Variants in IGSF10 observed in about 807,000 individuals in gnomAD.
IGSF10 encodes immunoglobulin superfamily member 10.
In IGSF10, 126 loss-of-function variants were observed where a neutral mutation model predicts 128.2. The ratio of observed to expected loss-of-function variants is 0.98; its 90% CI spans 0.85 to 1.14. The LOEUF is 1.14. Ranked by LOEUF, IGSF10 falls within the 50% of genes most tolerant of loss-of-function variation. The probability of loss-of-function intolerance (pLI) is 0.00; values close to 1 mark genes in which losing one functional copy is unlikely to be tolerated. For synonymous variants in IGSF10, 1,185 were observed against 1,146.2 expected, an observed-to-expected ratio of 1.03 and a Z score of -0.68; for missense variants, 3,295 against 3,149.8, an observed-to-expected ratio of 1.05 and a Z score of -1.10.
chr3:151,564,720 GA>G, the IGSF10 span, among the ~76,000 whole-genome samples: 2 of 152,096 alleles, frequency 1.3e-5, no homozygotes, highest in Admixed American at 6.6e-5. Context: ...TAGAGGCCAA[GA>G]AACAATTTAC....
the IGSF10 span, among the ~76,000 whole-genome samples, chr3:151,527,730 ATTTGAGCCCAGGAG>A: frequency 5.9e-5 from 9 of 152,242 alleles, no homozygotes; most frequent in African/African-American, 2.2e-4. Context: ...TGAAAGGATT[ATTTGAGCCCAGGAG>A]TTTGAGACCA....
rs369704943 is a variant in IGSF10, at chr3:151,436,845, C to T, written c.7716G>A (p.Thr2572=). ...TTCCATGTGTCCTCTCTTTACTTGC[C>T]GTTGAGAGAAGGGAGTGGTCAGGCA... The part of the protein sequence containing the change: ...WEMPDHSLLS[T]ASKERTHGSE... Residue 2572 remains threonine, a synonymous_variant, in exon 8 of 8, where the codon ACG becomes ACA. Coordinates refer to ENST00000282466, the MANE Select transcript of IGSF10 (RefSeq NM_178822.5). 1.1e-5 allele frequency: 17 copies of T among 1,613,908 alleles called. No homozygotes were observed. The Middle Eastern group carries it at 1.3e-3, about 125-fold the overall frequency.
chr3:151,450,112 G>A (rs1439271620), intron 5 of IGSF10, among the ~76,000 whole-genome samples: 2 of 152,188 alleles, frequency 1.3e-5, no homozygotes, highest in African/African-American at 4.8e-5. Context: ...ACAGCACTAG[G>A]ACCAGCATTA....
At chr3:151,529,612 G>A in the IGSF10 span, among the ~76,000 whole-genome samples, 1 of 152,178 alleles carries the variant, frequency 6.6e-6, no homozygotes. Context: ...CTACAGCAGA[G>A]GGGTCTGACT....
chr3:151,514,299 C>G, the IGSF10 span, among the ~76,000 whole-genome samples: 2 of 151,966 alleles, frequency 1.3e-5, no homozygotes, highest in Non-Finnish European at 2.9e-5. Context: ...AGAACAGAGC[C>G]CTCAGAAATA....
At chr3:151,595,694 A>G in the IGSF10 span, among the ~76,000 whole-genome samples, 2 of 151,010 alleles carry the variant, frequency 1.3e-5, no homozygotes, top group Non-Finnish European at 3.0e-5. Context: ...AGAAGAAAAT[A>G]TACTGAGTGA....
chr3:151,616,318 T>C, the IGSF10 span, among the ~76,000 whole-genome samples: 2 of 152,254 alleles, frequency 1.3e-5, no homozygotes, highest in African/African-American at 4.8e-5. Flanking sequence ...GTTTCATTCA[T>C]CCAACATATA....
At chr3:151,535,344 G>A in the IGSF10 span, among the ~76,000 whole-genome samples, 7 of 152,230 alleles carry the variant, frequency 4.6e-5, no homozygotes, top group South Asian at 2.1e-4. Flanking sequence ...TATCCTAGGC[G>A]AATTAATGCA....
At chr3:151,568,472 G>C in the IGSF10 span, among the ~76,000 whole-genome samples, 1 of 152,116 alleles carries the variant, frequency 6.6e-6, no homozygotes, top group Non-Finnish European at 1.5e-5. Flanking sequence ...TTTGGCTTGA[G>C]GACACAGAAA....
chr3:151,455,755 G>A (rs1393607586), intron 4 of IGSF10, among the ~76,000 whole-genome samples: 2 of 152,132 alleles, frequency 1.3e-5, no homozygotes, highest in Non-Finnish European at 2.9e-5. Flanking sequence ...TTGGTTATGA[G>A]TAATATGACT....
chr3:151,604,592 A>AACACACAC, the IGSF10 span, among the ~76,000 whole-genome samples: 337 of 144,644 alleles, frequency 2.3e-3, 3 homozygotes, highest in African/African-American at 8.1e-3. Flanking sequence ...GTACCAATAT[A>AACACACAC]ACACACACAC....
At chr3:151,568,045 A>G in the IGSF10 span, among the ~76,000 whole-genome samples, 2 of 152,164 alleles carry the variant, frequency 1.3e-5, no homozygotes, top group African/African-American at 4.8e-5. Flanking sequence ...CTGGGCCTCA[A>G]TCTTTGGGTA....
the IGSF10 span, among the ~76,000 whole-genome samples, chr3:151,477,591 TGA>T: frequency 6.6e-6 from 1 of 152,214 alleles, no homozygotes; most frequent in Non-Finnish European, 1.5e-5. Flanking sequence ...TAGGAAATTA[TGA>T]GAGAACGAAG....
At chr3:151,503,213 T>C in the IGSF10 span, among the ~76,000 whole-genome samples, 1 of 151,886 alleles carries the variant, frequency 6.6e-6, no homozygotes, top group African/African-American at 2.4e-5. Flanking sequence ...AATCTTCAAG[T>C]ACAATGACCA....
chr3:151,614,013 T>C, the IGSF10 span, among the ~76,000 whole-genome samples: 3 of 152,252 alleles, frequency 2.0e-5, no homozygotes, highest in East Asian at 5.8e-4. Context: ...GGGCAAAGGA[T>C]ATGAATAGAC....
upstream of IGSF10, among the ~76,000 whole-genome samples, chr3:151,463,523 G>GTTTTTTTTTTTTTGTTTTTT (rs1722144272): frequency 3.2e-5 from 1 of 31,272 alleles, no homozygotes; most frequent in Non-Finnish European, 6.5e-5. Context: ...ACATTTTCTG[G>GTTTTTTTTTTTTTGTTTTTT]TTTTTTTTTT....
At chr3:151,454,422 A>G (rs1721678113) in intron 4 of IGSF10, among the ~76,000 whole-genome samples, 1 of 152,210 alleles carries the variant, frequency 6.6e-6, no homozygotes, top group African/African-American at 2.4e-5. Flanking sequence ...GAATATTATG[A>G]AAATTTGGAT....
chr3:151,447,833 A>T lies in IGSF10; in HGVS notation c.2148T>A (p.Ser716Arg). The T allele has an allele frequency of 6.2e-7, 1 of 1,612,830 alleles. No individual in the cohort carries two copies. The highest frequency in any genetic ancestry group is 8.5e-7 in the Non-Finnish European group (1 of 1,180,002). Residue 716 changes from serine to arginine, a missense_variant, in exon 6 of 8, where the codon AGT (serine) becomes AGA (arginine). Coordinates refer to ENST00000282466, the MANE Select transcript of IGSF10 (RefSeq NM_178822.5). ...AEVGKHTSSTSKRHNYRELTL... is the reference protein window; with the variant it reads ...AEVGKHTSSTRKRHNYRELTL... The stretch of plus-strand genomic sequence containing the variant: ...TTAATTCCCGATAGTTGTGCCTCTT[A>T]CTTGTGCTTGAGGTGTGTTTTCCAA...
At chr3:151,462,552 G>T (rs1028728984), upstream of IGSF10, among the ~76,000 whole-genome samples, 3 of 152,134 alleles carry the variant, frequency 2.0e-5, no homozygotes, top group Non-Finnish European at 2.9e-5. Context: ...TAAGGTACAT[G>T]AAGGAAAGTG....
Sources: allele counts gnomAD v4.1 joint callset (sites outside exome capture counted in the v4.1 genomes callset), GRCh38; gene constraint gnomAD v4.1.1; transcripts MANE v1.5; gene names NCBI Gene and HGNC (gene_info 2026-07-23, HGNC 2026-07-21).